Variants in RHD observed in about 807,000 individuals in gnomAD.
RHD encodes the protein Rh blood group D antigen.
A neutral mutation model predicts 45.5 loss-of-function variants in RHD; 16 were observed. The ratio of observed to expected loss-of-function variants is 0.35; its 90% CI spans 0.24 to 0.53. The LOEUF (loss-of-function observed/expected upper bound fraction) is 0.53. Ranked by LOEUF, RHD falls within the 20% of genes least tolerant of loss-of-function variation. RHD has a pLI of 0.92. For missense variants in RHD, 306 were observed against 532.0 expected (o/e 0.58, Z 4.18); for synonymous variants, 131 against 217.5 (o/e 0.60, Z 3.50).
In RHD at chr1:25,293,686, A is replaced by G. The variant is rs200292262; in HGVS notation, c.486+2895A>G. On this transcript the variant is annotated intron_variant, in intron 3 of 9. Transcript: ENST00000328664. Reference sequence around the variant, plus strand: ...AATTTCCCTAGTATATGTAACCATCAGTAGGTGGTATCTACTGACTAGAGA... The same window carrying G: ...AATTTCCCTAGTATATGTAACCATCGGTAGGTGGTATCTACTGACTAGAGA... 6.1e-5 allele frequency among the ~76,000 whole-genome samples: 8 copies of G among 131,652 alleles called. 2 individuals carry two copies. The highest frequency in any genetic ancestry group is 2.1e-4 in the African/African-American group (8 of 38,348). The allele number at this position is 131,652 out of a possible 152,430, so 86.4% of individuals were successfully genotyped here. A position where few individuals can be genotyped will look rare whatever the true frequency, so the allele number is the denominator to read the frequency against.
intron 7 of RHD, among the ~76,000 whole-genome samples, chr1:25,312,778 G>A (rs2124045058): frequency 8.4e-6 from 1 of 119,166 alleles, no homozygotes; most frequent in South Asian, 2.7e-4. Flanking sequence ...AACTTAGCTG[G>A]ATATGGTGGC....
At position 25,309,268 on chromosome 1, in the gene RHD, C is replaced by T. The variant is rs1424093742; in HGVS notation, c.1073+2539C>T. Among the ~76,000 whole-genome samples the T allele has an allele frequency of 9.1e-5, 12 of 131,842 alleles. 4 individuals are homozygous for T. The highest frequency in any genetic ancestry group is 2.0e-4 in the East Asian group (1 of 5,128). 86.5% of individuals were successfully genotyped at this position (131,842 alleles called of 152,430 possible). A position where few individuals can be genotyped will look rare whatever the true frequency, so the allele number is the denominator to read the frequency against. On this transcript the variant is annotated intron_variant, in intron 7 of 9. Coordinates refer to ENST00000328664, the MANE Select transcript of RHD (RefSeq NM_016124.6). ...AATGGGAAGGCACACTGAAATGGCA[C>T]TGAATCATGCAGTTGCAGATACTCT...
rs1434897908 is a variant in RHD, at chr1:25,321,287, G to A, written c.1154-602G>A. On this transcript the variant is annotated intron_variant, in intron 8 of 9. Coordinates refer to ENST00000328664, the MANE Select transcript of RHD (RefSeq NM_016124.6). ...GGGCCCTTTTACTCCATCTGGGGAA[G>A]GGCGTCAGATCTGTGGCTCTCATGT... 1.6e-4 allele frequency among the ~76,000 whole-genome samples: 20 copies of A among 123,762 alleles called. 3 individuals carry two copies. The highest frequency in any genetic ancestry group is 4.9e-4 in the African/African-American group (18 of 36,690). The allele number at this position is 123,762 out of a possible 152,430, so 81.2% of individuals were successfully genotyped here. A position where few individuals can be genotyped will look rare whatever the true frequency, so the allele number is the denominator to read the frequency against.
chr1:25,276,642 A>G lies in RHD; in HGVS notation c.148+3947A>G, dbSNP rs2124594168. On this transcript the variant is annotated intron_variant, in intron 1 of 9. Transcript: ENST00000328664. ...GGTGAGAGGCTTGCTTGAGCCTGGG[A>G]GCTTGAGGCTGCAGTGGGACGGGAT... Among the ~76,000 whole-genome samples, 2 of 128,402 alleles carry G rather than the reference A, an allele frequency of 1.6e-5. 1 individual carries two copies. The highest frequency in any genetic ancestry group is 5.4e-5 in the African/African-American group (2 of 37,044). The allele number at this position is 128,402 out of a possible 152,430, so 84.2% of individuals were successfully genotyped here. A position where few individuals can be genotyped will look rare whatever the true frequency, so the allele number is the denominator to read the frequency against.
At chr1:25,278,510 G>A (rs1641209302) in intron 1 of RHD, among the ~76,000 whole-genome samples, 1 of 131,832 alleles carries the variant, frequency 7.6e-6, no homozygotes, top group Non-Finnish European at 1.8e-5. Context: ...GTTTCACCCA[G>A]GGTCATTCAT....
At chr1:25,291,332 G>C (rs1446210171) in intron 3 of RHD, among the ~76,000 whole-genome samples, 1 of 130,988 alleles carries the variant, frequency 7.6e-6, no homozygotes, top group Non-Finnish European at 1.8e-5. Flanking sequence ...AGCTGGGCAT[G>C]GTGGCAGGCG....
At position 25,301,038 on chromosome 1, in the gene RHD, G is replaced by A. The variant is rs77813628; in HGVS notation, c.579G>A (p.Glu193=). The A allele has an allele frequency of 8.2e-4, 1,131 of 1,377,588 alleles. 192 individuals are homozygous for A. The African/African-American group carries it at 0.014, about 17-fold the overall frequency. The allele number at this position is 1,377,588 out of a possible 1,614,324, so 85.3% of individuals were successfully genotyped here. ...GGTGCCTGCCAAAGCCTCTACCCGA[G>A]GGAACGGAGGATAAAGATCAGACAG... ...VAWCLPKPLP[E]GTEDKDQTAT... is the part of the protein sequence containing the mutation. Residue 193 remains glutamate, a synonymous_variant, in exon 4 of 10, where the codon GAG becomes GAA. Coordinates refer to ENST00000328664, the MANE Select transcript of RHD (RefSeq NM_016124.6).
Position 25,321,989 on chromosome 1 carries a change from T to C in RHD, c.1227+27T>C, listed in dbSNP as rs1443142640. 31 of 1,131,282 alleles carry C rather than the reference T, an allele frequency of 2.7e-5. 4 individuals carry two copies. Among genetic ancestry groups the C allele is most frequent in the Non-Finnish European group, 4.0e-5 (30 of 753,506 alleles). The allele number at this position is 1,131,282 out of a possible 1,614,324, so 70.1% of individuals were successfully genotyped here. ...TAAGATTTTTCACCTATTAACGTGA[T>C]AGATTTTGAGTGCATGAACTTAAAA... On this transcript the variant is annotated intron_variant, in intron 9 of 9. Coordinates refer to ENST00000328664, the MANE Select transcript of RHD (RefSeq NM_016124.6).
Position 25,278,253 on chromosome 1 carries a change from C to A in RHD, c.148+5558C>A, listed in dbSNP as rs543635980. On this transcript the variant is annotated intron_variant, in intron 1 of 9. Coordinates refer to ENST00000328664, the MANE Select transcript of RHD (RefSeq NM_016124.6). ...GATTTGGCATAGAGAGGTGCCAGTT[C>A]CTGAGATGAGAGACAGAAGGGGAGG... Among the ~76,000 whole-genome samples the A allele has an allele frequency of 1.9e-4, 25 of 129,480 alleles. 3 individuals carry two copies. Among genetic ancestry groups the A allele is most frequent in the African/African-American group, 5.5e-4 (21 of 38,142 alleles). 84.9% of individuals were successfully genotyped at this position (129,480 alleles called of 152,430 possible). A position where few individuals can be genotyped will look rare whatever the true frequency, so the allele number is the denominator to read the frequency against.
rs1382729263 is a variant in RHD at position 25,300,586 on chromosome 1, G to C, written c.487-360G>C. ...GCACTTTGGGAGGCCGAGGCGGGTG[G>C]ATCGCCTGAGGTCAGGAGTTTGAGA... is the stretch of plus-strand genomic sequence containing the variant. On this transcript the variant is annotated intron_variant, in intron 3 of 9. Coordinates refer to ENST00000328664, the MANE Select transcript of RHD (RefSeq NM_016124.6). 8.5e-5 allele frequency among the ~76,000 whole-genome samples: 11 copies of C among 130,018 alleles called. 3 individuals are homozygous for C. Among genetic ancestry groups the C allele is most frequent in the African/African-American group, 2.9e-4 (11 of 37,838 alleles). 85.3% of individuals were successfully genotyped at this position (130,018 alleles called of 152,430 possible). A position where few individuals can be genotyped will look rare whatever the true frequency, so the allele number is the denominator to read the frequency against.
At position 25,273,017 on chromosome 1, in the gene RHD, C is replaced by T. The variant is rs370438107; in HGVS notation, c.148+322C>T. On this transcript the variant is annotated intron_variant, in intron 1 of 9. Coordinates refer to ENST00000328664, the MANE Select transcript of RHD (RefSeq NM_016124.6). ...TTCTCTGCTTCCCCTTCTCTCTCCTCAGTGGCAAGGAATTTTTTTATTTTT... is the reference window on the plus strand; with the variant it reads ...TTCTCTGCTTCCCCTTCTCTCTCCTTAGTGGCAAGGAATTTTTTTATTTTT... Among the ~76,000 whole-genome samples, 11 of 131,890 alleles carry T rather than the reference C, an allele frequency of 8.3e-5. 3 individuals carry two copies. The highest frequency in any genetic ancestry group is 2.0e-4 in the East Asian group (1 of 5,114). 86.5% of individuals were successfully genotyped at this position (131,890 alleles called of 152,430 possible).
At position 25,305,301 on chromosome 1, in the gene RHD, A is replaced by C. The variant is rs1331472410; in HGVS notation, c.940-1295A>C. On this transcript the variant is annotated intron_variant, in intron 6 of 9. Transcript: ENST00000328664. ...TCTAAAGGCATAGGGTCCACCCAGGAGCATGGTGGACCCAGATCCCTGAAA... is the reference window on the plus strand; with the variant it reads ...TCTAAAGGCATAGGGTCCACCCAGGCGCATGGTGGACCCAGATCCCTGAAA... Among the ~76,000 whole-genome samples, 13 of 132,292 alleles carry C rather than the reference A, an allele frequency of 9.8e-5. 1 individual carries two copies. The highest frequency in any genetic ancestry group is 2.9e-4 in the African/African-American group (11 of 38,392). 86.8% of individuals were successfully genotyped at this position (132,292 alleles called of 152,430 possible).
At chr1:25,298,750 C>T (rs1230964006) in intron 3 of RHD, among the ~76,000 whole-genome samples, 1 of 131,326 alleles carries the variant, frequency 7.6e-6, no homozygotes, top group East Asian at 2.0e-4. Flanking sequence ...ATACAACTCT[C>T]ATGGAACGTC....
At chr1:25,312,708 C>T (rs917763824) in intron 7 of RHD, among the ~76,000 whole-genome samples, 1 of 125,564 alleles carries the variant, frequency 8.0e-6, no homozygotes, top group African/African-American at 2.7e-5. Flanking sequence ...TATGGTCGTG[C>T]CACTGCATTC....
intron 6 of RHD, among the ~76,000 whole-genome samples, chr1:25,305,673 T>C (rs1341449661): frequency 1.6e-5 from 2 of 128,834 alleles, no homozygotes; most frequent in East Asian, 2.0e-4. Flanking sequence ...CCATCTCAGC[T>C]TACTGCAAGC....
chr1:25,312,954 A>AC, intron 7 of RHD, among the ~76,000 whole-genome samples: 1 of 110,990 alleles, frequency 9.0e-6, no homozygotes, highest in African/African-American at 3.0e-5. Context: ...AAAAAAAAAA[A>AC]ACTTTAGTGC....
At chr1:25,307,417 T>A (rs1231940770) in intron 7 of RHD, among the ~76,000 whole-genome samples, 2 of 131,850 alleles carry the variant, frequency 1.5e-5, no homozygotes, top group Non-Finnish European at 3.6e-5. Context: ...TTATATAAAA[T>A]GAAAAAGTGA....
chr1:25,280,863 G>T (rs1641436505), intron 1 of RHD, among the ~76,000 whole-genome samples: 1 of 131,268 alleles, frequency 7.6e-6, no homozygotes, highest in Non-Finnish European at 1.8e-5. Flanking sequence ...CTCCCTCCTT[G>T]GCCTCCCAAA....
intron 1 of RHD, among the ~76,000 whole-genome samples, chr1:25,280,671 G>A (rs1368690288): frequency 8.4e-6 from 1 of 119,668 alleles, no homozygotes; most frequent in African/African-American, 2.9e-5. Context: ...GAGTGTAGTG[G>A]TGTGACCGCA....
Sources: allele counts gnomAD v4.1 joint callset (sites outside exome capture counted in the v4.1 genomes callset), GRCh38; gene constraint gnomAD v4.1.1; transcripts MANE v1.5; gene names NCBI Gene and HGNC (gene_info 2026-07-23, HGNC 2026-07-21).